Variants in DEFB1 observed in about 807,000 individuals in gnomAD.
The protein encoded by DEFB1 is defensin beta 1, also known as beta-defensin 1.
A neutral mutation model predicts 2.6 loss-of-function variants in DEFB1; 4 were observed. The observed-to-expected ratio is 1.53, with a 90% CI of 0.76 to 3.51. The LOEUF (loss-of-function observed/expected upper bound fraction) is 3.51, where lower values mean the gene tolerates loss of function less well. DEFB1 is among the 30% of genes most tolerant of loss of function. The probability of loss-of-function intolerance (pLI) is 0.01; values close to 1 mark genes in which losing one functional copy is unlikely to be tolerated. For missense variants in DEFB1, 162 were observed against 76.9 expected, an observed-to-expected ratio of 2.11 and a Z score of -4.14; for synonymous variants, 56 against 28.5, an observed-to-expected ratio of 1.96 and a Z score of -3.07.
At chr8:6,872,213 A>T (rs751350722) in intron 1 of DEFB1, among the ~76,000 whole-genome samples, 17 of 152,016 alleles carry the variant, frequency 1.1e-4, no homozygotes, top group African/African-American at 2.7e-4. Flanking sequence ...AGTCCCTTCA[A>T]TGTGTTCCGC....
chr8:6,876,066 G>A (rs1191774515), intron 1 of DEFB1, among the ~76,000 whole-genome samples: 1 of 152,116 alleles, frequency 6.6e-6, no homozygotes. Context: ...CCATCAGAAA[G>A]AAATTTCTCA....
Position 6,870,652 on chromosome 8 carries a change from C to T in DEFB1, c.*29G>A, listed in dbSNP as rs765634853. ...TGCTTATAAAAAGTTCATTTCACTT[C>T]TGCGTCATTTCTTCTGGTCACTCCC... On this transcript the variant is annotated 3_prime_UTR_variant, in exon 2 of 2. Coordinates refer to ENST00000297439, the MANE Select transcript of DEFB1 (RefSeq NM_005218.4). The T allele has an allele frequency of 1.4e-5, 22 of 1,601,382 alleles. No homozygotes were observed. Among genetic ancestry groups the T allele is most frequent in the Admixed American group, 3.5e-5 (2 of 56,458 alleles).
Position 6,874,254 on chromosome 8 carries a change from C to T in DEFB1, c.62-3428G>A, listed in dbSNP as rs2977774. Among the ~76,000 whole-genome samples the T allele has an allele frequency of 7.9e-5, 12 of 152,090 alleles. No individual in the cohort carries two copies. In the East Asian group the frequency reaches 2.1e-3, roughly 27 times the overall value. ...CGAAACAAAAGCAGGAACATCACAT[C>T]CTACTAACATAAAAAAAGTTATTAT... On this transcript the variant is annotated intron_variant, in intron 1 of 1. Coordinates refer to ENST00000297439, the MANE Select transcript of DEFB1 (RefSeq NM_005218.4).
intron 1 of DEFB1, among the ~76,000 whole-genome samples, chr8:6,877,118 G>A (rs1197034443): frequency 6.6e-6 from 1 of 152,156 alleles, no homozygotes; most frequent in Admixed American, 6.5e-5. Flanking sequence ...CATGTGACTC[G>A]TGTGAACAAG....
At position 6,877,868 on chromosome 8, in the gene DEFB1, A is replaced by C. The variant is rs748058695; in HGVS notation, c.-11T>G. 1 of 1,613,854 alleles carries C rather than the reference A, an allele frequency of 6.2e-7. No homozygotes were observed. Among genetic ancestry groups the C allele is most frequent in the South Asian group, 1.1e-5 (1 of 91,074 alleles). Reference sequence around the variant, plus strand: ...GTAGGAAGTTCTCATGGCGACTGGCAGGCAACACCCAGGATTTCAGGAACT... The same window carrying C: ...GTAGGAAGTTCTCATGGCGACTGGCCGGCAACACCCAGGATTTCAGGAACT... On this transcript the variant is annotated 5_prime_UTR_variant, in exon 1 of 2. Transcript: ENST00000297439.
chr8:6,873,841 A>G (rs1206483550), intron 1 of DEFB1, among the ~76,000 whole-genome samples: 1 of 152,214 alleles, frequency 6.6e-6, no homozygotes, highest in Non-Finnish European at 1.5e-5. Flanking sequence ...CTTCTGGTCC[A>G]GAGGCCATAC....
chr8:6,872,176 A>G (rs1806347632), intron 1 of DEFB1, among the ~76,000 whole-genome samples: 1 of 151,928 alleles, frequency 6.6e-6, no homozygotes, highest in Admixed American at 6.6e-5. Context: ...TACACTTCCC[A>G]AAGTTTGAAG....
chr8:6,873,125 G>T (rs770083909), intron 1 of DEFB1, among the ~76,000 whole-genome samples: 1 of 152,218 alleles, frequency 6.6e-6, no homozygotes, highest in African/African-American at 2.4e-5. Flanking sequence ...GCTTTTTAGA[G>T]CCAGGATGGA....
intron 1 of DEFB1, among the ~76,000 whole-genome samples, chr8:6,876,557 A>T (rs1563398727): frequency 6.6e-6 from 1 of 152,174 alleles, no homozygotes; most frequent in Non-Finnish European, 1.5e-5. Context: ...GAACTTTGGG[A>T]GTCTGAACTA....
chr8:6,876,479 AAAAAC>A (rs774368804), intron 1 of DEFB1, among the ~76,000 whole-genome samples: 3 of 151,814 alleles, frequency 2.0e-5, no homozygotes, highest in Non-Finnish European at 4.4e-5. Context: ...TCCATCTCAA[AAAAAC>A]AAAACAAAAC....
intron 1 of DEFB1, among the ~76,000 whole-genome samples, chr8:6,872,690 G>A (rs1380737147): frequency 6.6e-6 from 1 of 152,216 alleles, no homozygotes; most frequent in African/African-American, 2.4e-5. Context: ...CCACTCATTT[G>A]TTCATACAAA....
At chr8:6,872,296 A>G (rs1056115072) in intron 1 of DEFB1, among the ~76,000 whole-genome samples, 1 of 152,198 alleles carries the variant, frequency 6.6e-6, no homozygotes, top group Non-Finnish European at 1.5e-5. Context: ...TGGCAGCCAC[A>G]TGCTCCCTGT....
intron 1 of DEFB1, among the ~76,000 whole-genome samples, chr8:6,874,865 C>T (rs1806461525): frequency 6.6e-6 from 1 of 151,866 alleles, no homozygotes; most frequent in African/African-American, 2.4e-5. Flanking sequence ...GCCTGTAATC[C>T]CAGCCACTCG....
At chr8:6,876,775 C>T (rs1324325206) in intron 1 of DEFB1, among the ~76,000 whole-genome samples, 1 of 150,582 alleles carries the variant, frequency 6.6e-6, no homozygotes, top group African/African-American at 2.4e-5. Context: ...TGCACTTTAG[C>T]CTGGGTGACA....
At chr8:6,874,186 A>G (rs1038271425) in intron 1 of DEFB1, among the ~76,000 whole-genome samples, 4 of 152,042 alleles carry the variant, frequency 2.6e-5, no homozygotes, top group Non-Finnish European at 4.4e-5. Context: ...GTATTAGAGA[A>G]CCAACAGTAA....
intron 1 of DEFB1, among the ~76,000 whole-genome samples, chr8:6,875,673 A>G (rs571949948): frequency 6.6e-6 from 1 of 152,276 alleles, no homozygotes; most frequent in East Asian, 1.9e-4. Flanking sequence ...TGGGAGTGCA[A>G]GTTGGTGTAA....
intron 1 of DEFB1, among the ~76,000 whole-genome samples, chr8:6,874,704 G>A (rs1057381786): frequency 6.6e-6 from 1 of 152,184 alleles, no homozygotes; most frequent in Non-Finnish European, 1.5e-5. Flanking sequence ...GTTCTGGGCT[G>A]GGCATGGTGG....
intron 1 of DEFB1, 123 bp from the exon 2 acceptor site, chr8:6,870,949 G>A (rs5743486): frequency 1.8e-6 from 2 of 1,123,986 alleles, no homozygotes; most frequent in African/African-American, 3.1e-5. Context: ...CCAAGAAATT[G>A]GCCCATGATT....
chr8:6,874,322 G>A (rs1171075785), intron 1 of DEFB1, among the ~76,000 whole-genome samples: 1 of 151,358 alleles, frequency 6.6e-6, no homozygotes, highest in East Asian at 1.9e-4. Context: ...CTAAATGAGT[G>A]GAAATGCTCT....
Sources: gnomAD v4.1 joint callset for allele counts (sites outside exome capture counted in the v4.1 genomes callset) on GRCh38, gnomAD v4.1.1 for gene constraint, MANE v1.5 for transcripts, NCBI Gene and HGNC (gene_info 2026-07-23, HGNC 2026-07-21) for gene names.